The following HDAC8 variants were observed in gnomAD, a reference collection of about 807,000 sequenced individuals.
The protein encoded by HDAC8 is histone deacetylase 8, also known as histone deacetylase-like 1.
Under a neutral mutation model 32.2 loss-of-function variants are expected in HDAC8, and 1 was observed. The observed-to-expected ratio is 0.03, with a 90% CI of 0.01 to 0.15. The LOEUF is 0.15. Among genes scored for constraint, HDAC8 ranks in the 10% least tolerant of loss-of-function variants. The pLI is 1.00. For synonymous variants in HDAC8, 108 were observed against 113.9 expected, an observed-to-expected ratio of 0.95 and a Z score of 0.33; for missense variants, 117 against 300.0, an observed-to-expected ratio of 0.39 and a Z score of 4.51.
intron 9 of HDAC8, among the ~76,000 whole-genome samples, chrX:72,443,825 T>G (rs1354063810): frequency 9.2e-6 from 1 of 108,760 alleles, no homozygotes; most frequent in Non-Finnish European, 1.9e-5. Context: ...AAGAATCAAA[T>G]AGATGCAATA....
intron 4 of HDAC8, among the ~76,000 whole-genome samples, chrX:72,518,861 A>C: frequency 8.9e-6 from 1 of 112,240 alleles, no homozygotes; most frequent in South Asian, 3.7e-4. Flanking sequence ...TCTTTCACTC[A>C]ACAATATACA....
intron 6 of HDAC8, among the ~76,000 whole-genome samples, chrX:72,489,498 G>C (rs1181649119): frequency 9.0e-6 from 1 of 111,308 alleles, no homozygotes; most frequent in African/African-American, 3.3e-5. Flanking sequence ...ACAATCAATG[G>C]GGAAAGGATT....
intron 9 of HDAC8, among the ~76,000 whole-genome samples, chrX:72,452,383 G>A (rs782344068): frequency 8.9e-6 from 1 of 112,280 alleles, no homozygotes; most frequent in Non-Finnish European, 1.9e-5. Flanking sequence ...TTGCACCTGG[G>A]AGGCGGAGGT....
intron 4 of HDAC8, among the ~76,000 whole-genome samples, chrX:72,535,544 T>G (rs1235892203): frequency 9.0e-5 from 10 of 111,688 alleles, no homozygotes; most frequent in Non-Finnish European, 1.9e-4. Context: ...AAAACAAAGT[T>G]CTGTGAAATC....
chrX:72,502,586 C>G (rs1381159176), intron 4 of HDAC8, among the ~76,000 whole-genome samples: 1 of 111,006 alleles, frequency 9.0e-6, no homozygotes, highest in Non-Finnish European at 1.9e-5. Flanking sequence ...AAGTAACAGA[C>G]CTTTACAAGT....
chrX:72,460,446 G>C (rs967972883), intron 9 of HDAC8, among the ~76,000 whole-genome samples: 7 of 111,446 alleles, frequency 6.3e-5, no homozygotes, highest in African/African-American at 2.3e-4. Flanking sequence ...CCGAGAACTT[G>C]CATTTTTAAA....
chrX:72,457,209 TTCC>T (rs1259407781), intron 9 of HDAC8, among the ~76,000 whole-genome samples: 3 of 111,646 alleles, frequency 2.7e-5, no homozygotes, highest in African/African-American at 9.8e-5. Flanking sequence ...AGAAGGGAAC[TTCC>T]TCAACCTAAA....
chrX:72,559,526 C>G (rs1321975630), intron 4 of HDAC8, among the ~76,000 whole-genome samples: 1 of 110,014 alleles, frequency 9.1e-6, no homozygotes, highest in Non-Finnish European at 1.9e-5. Context: ...TCTGCCTGGC[C>G]GCCCATCGTC....
At chrX:72,404,766 CA>C (rs2045992750) in intron 9 of HDAC8, among the ~76,000 whole-genome samples, 1 of 110,329 alleles carries the variant, frequency 9.1e-6, no homozygotes, top group Non-Finnish European at 1.9e-5. Flanking sequence ...TGTTCATGAT[CA>C]TTTTTTTTCT....
At chrX:72,528,594 C>T (rs371752900) in intron 4 of HDAC8, among the ~76,000 whole-genome samples, 19 of 111,304 alleles carry the variant, frequency 1.7e-4, no homozygotes, top group Admixed American at 1.5e-3. Context: ...GGGTAGGGAA[C>T]GTGGGGTAAT....
chrX:72,465,526 A>T (rs1479959598), intron 7 of HDAC8, among the ~76,000 whole-genome samples: 1 of 111,039 alleles, frequency 9.0e-6, no homozygotes, highest in Non-Finnish European at 1.9e-5. Context: ...GAACACTGGC[A>T]GTGTCCAGAA....
At chrX:72,440,427 G>C (rs2047093009) in intron 9 of HDAC8, among the ~76,000 whole-genome samples, 2 of 110,812 alleles carry the variant, frequency 1.8e-5, no homozygotes, top group South Asian at 7.6e-4. Context: ...AGAGAAGCAA[G>C]AGTAAACAAA....
intron 4 of HDAC8, among the ~76,000 whole-genome samples, chrX:72,525,415 T>C (rs1193146297): frequency 9.0e-6 from 1 of 110,944 alleles, no homozygotes; most frequent in Non-Finnish European, 1.9e-5. Context: ...CAGACCTTCA[T>C]CATTTGTACC....
intron 7 of HDAC8, among the ~76,000 whole-genome samples, chrX:72,485,510 A>G (rs1370193318): frequency 9.0e-6 from 1 of 111,247 alleles, no homozygotes; most frequent in Non-Finnish European, 1.9e-5. Flanking sequence ...CTGGCAAAGT[A>G]AAAAAGGCTA....
At position 72,461,994 on chromosome X, in the gene HDAC8, C is replaced by G. The variant is rs199857797; in HGVS notation, c.1005+10G>C. 4 of 1,171,743 alleles carry G rather than the reference C, an allele frequency of 3.4e-6. No homozygotes were observed. The East Asian group carries it at 8.9e-5, about 26-fold the overall frequency. On this transcript the variant is annotated intron_variant, in intron 9 of 10. Transcript: ENST00000373573. ...TTAAAGAAGAGAGGACTTGTCAGAG[C>G]CTTACTTACCTCATGATCTGGGATC...
chrX:72,509,052 T>C (rs1389651891), intron 4 of HDAC8, among the ~76,000 whole-genome samples: 1 of 110,861 alleles, frequency 9.0e-6, no homozygotes, highest in Non-Finnish European at 1.9e-5. Flanking sequence ...GCCCTGTTTA[T>C]TTATTTATTT....
At chrX:72,472,569 T>C (rs2148067364) in intron 7 of HDAC8, among the ~76,000 whole-genome samples, 1 of 112,132 alleles carries the variant, frequency 8.9e-6, no homozygotes, top group African/African-American at 3.2e-5. Context: ...CTTTGATTAC[T>C]GTAGTTTTGT....
chrX:72,359,460 G>A (rs1178399875), intron 9 of HDAC8, among the ~76,000 whole-genome samples: 5 of 110,923 alleles, frequency 4.5e-5, no homozygotes, highest in South Asian at 3.9e-4. Flanking sequence ...AGTGTGTGTC[G>A]GGGGATAGTT....
At chrX:72,540,002 C>G (rs907509673) in intron 4 of HDAC8, among the ~76,000 whole-genome samples, 5 of 111,786 alleles carry the variant, frequency 4.5e-5, no homozygotes. Context: ...AGCTGCCCAC[C>G]CCTCCTGAGA....
Sources: gnomAD v4.1 joint callset for allele counts (sites outside exome capture counted in the v4.1 genomes callset) on GRCh38, gnomAD v4.1.1 for gene constraint, MANE v1.5 for transcripts, NCBI Gene and HGNC (gene_info 2026-07-23, HGNC 2026-07-21) for gene names.